The following ACYP2 variants were observed in gnomAD, a reference collection of about 807,000 sequenced individuals.
ACYP2 encodes acylphosphatase-2.
Under a neutral mutation model 11.2 loss-of-function variants are expected in ACYP2, and 12 were observed. That is an observed-to-expected ratio of 1.08 (90% CI 0.69 to 1.74). ACYP2 has a LOEUF of 1.74. Ranked by LOEUF, ACYP2 falls within the 40% of genes most tolerant of loss-of-function variation. ACYP2 has a pLI of 0.00. For missense variants in ACYP2, 134 were observed against 101.9 expected, an observed-to-expected ratio of 1.31 and a Z score of -1.35; for synonymous variants, 43 against 32.2, an observed-to-expected ratio of 1.33 and a Z score of -1.13.
intron 6 of ACYP2, among the ~76,000 whole-genome samples, chr2:54,246,109 G>C (rs1339869768): frequency 2.0e-5 from 3 of 152,112 alleles, no homozygotes; most frequent in Non-Finnish European, 2.9e-5. Flanking sequence ...TTATTGAAAA[G>C]ATTGTTCTTT....
chr2:54,140,211 G>T (rs13390377), intron 6 of ACYP2, among the ~76,000 whole-genome samples: 9,860 of 152,186 alleles, frequency 0.065, 504 homozygotes, highest in African/African-American at 0.14. Context: ...CAATGGAAGA[G>T]AAAATGCCAA....
At chr2:54,030,266 A>G (rs934758830) in intron 2 of ACYP2, among the ~76,000 whole-genome samples, 4 of 152,120 alleles carry the variant, frequency 2.6e-5, no homozygotes, top group African/African-American at 4.8e-5. Flanking sequence ...TCTCCAATGA[A>G]TCTATTCAAA....
At chr2:54,149,986 T>C (rs1270088825) in intron 6 of ACYP2, among the ~76,000 whole-genome samples, 1 of 152,216 alleles carries the variant, frequency 6.6e-6, no homozygotes, top group East Asian at 1.9e-4. Flanking sequence ...ATTGGAGCCA[T>C]GGGTGAATTT....
chr2:54,086,820 G>C (rs1677972866), intron 4 of ACYP2, among the ~76,000 whole-genome samples: 1 of 152,198 alleles, frequency 6.6e-6, no homozygotes, highest in Non-Finnish European at 1.5e-5. Context: ...CAAATGTTTG[G>C]AGACACTGCA....
intron 2 of ACYP2, among the ~76,000 whole-genome samples, chr2:54,039,819 T>TTG (rs751604890): frequency 0.19 from 24,300 of 126,376 alleles, 2,288 homozygotes; most frequent in South Asian, 0.29. Context: ...TTGTTTTCTT[T>TTG]TGTGTGTGTG....
intron 2 of ACYP2, among the ~76,000 whole-genome samples, chr2:54,041,119 G>A (rs1317921489): frequency 1.6e-5 from 2 of 123,708 alleles, no homozygotes; most frequent in African/African-American, 3.1e-5. Flanking sequence ...CTTTTTTTTT[G>A]TATTTTTTGT....
At chr2:54,089,864 A>G (rs187975776) in intron 4 of ACYP2, among the ~76,000 whole-genome samples, 11 of 151,748 alleles carry the variant, frequency 7.2e-5, no homozygotes, top group African/African-American at 2.4e-4. Context: ...AAGTTTGCTC[A>G]GCCGGACACG....
At chr2:54,185,735 C>T (rs1054941202) in intron 6 of ACYP2, among the ~76,000 whole-genome samples, 2 of 152,148 alleles carry the variant, frequency 1.3e-5, no homozygotes, top group East Asian at 3.9e-4. Flanking sequence ...AAATTCATTT[C>T]CTCCTACAAA....
chr2:54,117,017 A>G (rs572182692), intron 4 of ACYP2, among the ~76,000 whole-genome samples: 3 of 152,278 alleles, frequency 2.0e-5, no homozygotes, highest in African/African-American at 7.2e-5. Flanking sequence ...GAGGTGAACT[A>G]CTGATTAGAA....
At chr2:54,252,994 C>G (rs1300950781) in intron 6 of ACYP2, among the ~76,000 whole-genome samples, 1 of 152,018 alleles carries the variant, frequency 6.6e-6, no homozygotes, top group African/African-American at 2.4e-5. Flanking sequence ...GCAGGTGAAT[C>G]ATGAGGTCAG....
intron 4 of ACYP2, among the ~76,000 whole-genome samples, chr2:54,086,695 G>A (rs1017980722): frequency 3.6e-4 from 55 of 152,206 alleles, no homozygotes; most frequent in African/African-American, 1.3e-3. Context: ...GTGCACGCGC[G>A]CGCTAGTGCG....
chr2:54,021,371 G>C (rs1674000875), intron 2 of ACYP2, among the ~76,000 whole-genome samples: 1 of 152,148 alleles, frequency 6.6e-6, no homozygotes, highest in South Asian at 2.1e-4. Flanking sequence ...CTTTAAAATG[G>C]AGAATGAAGA....
At chr2:54,103,141 C>G (rs1678987885) in intron 4 of ACYP2, among the ~76,000 whole-genome samples, 1 of 150,902 alleles carries the variant, frequency 6.6e-6, no homozygotes, top group South Asian at 2.1e-4. Context: ...GATACTGTGC[C>G]AGCAAAAGAA....
chr2:54,089,954 T>C (rs535133225), intron 4 of ACYP2, among the ~76,000 whole-genome samples: 1 of 151,874 alleles, frequency 6.6e-6, no homozygotes, highest in African/African-American at 2.4e-5. Flanking sequence ...GAGGCCAGCC[T>C]GGCTAAGATG....
chr2:54,153,925 A>G (rs1291037759), intron 6 of ACYP2, among the ~76,000 whole-genome samples: 2 of 151,930 alleles, frequency 1.3e-5, no homozygotes, highest in Non-Finnish European at 2.9e-5. Flanking sequence ...TAACAATATT[A>G]ATTCTTCCAA....
At chr2:54,168,172 C>CAGG (rs1683077897) in intron 6 of ACYP2, among the ~76,000 whole-genome samples, 1 of 152,172 alleles carries the variant, frequency 6.6e-6, no homozygotes, top group African/African-American at 2.4e-5. Context: ...CACCTGTAAT[C>CAGG]CCAGCACTTT....
At chr2:54,304,435 T>A (rs559756520) in intron 6 of ACYP2, among the ~76,000 whole-genome samples, 2 of 152,232 alleles carry the variant, frequency 1.3e-5, no homozygotes, top group Admixed American at 1.3e-4. Context: ...GTGGGGGAGA[T>A]AACCCTAATA....
chr2:54,026,575 A>G (rs1674299991), intron 2 of ACYP2, among the ~76,000 whole-genome samples: 2 of 152,152 alleles, frequency 1.3e-5, no homozygotes, highest in Non-Finnish European at 2.9e-5. Context: ...CCCAGAGGAA[A>G]ATAAGTCATT....
rs187977405 is a variant in ACYP2 at position 54,028,467 on chromosome 2, T to C, written c.63-22491T>C. Among the ~76,000 whole-genome samples, 3 of 152,294 alleles carry C rather than the reference T, an allele frequency of 2.0e-5. No homozygotes were observed. The East Asian group carries it at 5.8e-4, about 29-fold the overall frequency. Reference sequence around the variant, plus strand: ...AATCTTATTTTTCTCTCTGTAAACATGGGATGATGTTCTCTGAAGTTCCCT... The same window carrying C: ...AATCTTATTTTTCTCTCTGTAAACACGGGATGATGTTCTCTGAAGTTCCCT... On this transcript the variant is annotated intron_variant, in intron 2 of 6. Coordinates refer to ENST00000607452, the MANE Select transcript of ACYP2 (RefSeq NM_001320586.2).
Sources: gnomAD v4.1 joint callset for allele counts (sites outside exome capture counted in the v4.1 genomes callset) on GRCh38, gnomAD v4.1.1 for gene constraint, MANE v1.5 for transcripts, NCBI Gene and HGNC (gene_info 2026-07-23, HGNC 2026-07-21) for gene names.